The following DDX47 variants were observed in gnomAD, a reference collection of about 807,000 sequenced individuals.
DDX47 encodes the protein probable ATP-dependent RNA helicase DDX47.
A neutral mutation model predicts 58.8 loss-of-function variants in DDX47; 60 were observed. The ratio of observed to expected loss-of-function variants is 1.02; its 90% CI spans 0.83 to 1.26. The LOEUF (loss-of-function observed/expected upper bound fraction) is 1.26. Among genes scored for constraint, DDX47 ranks in the 50% most tolerant of loss-of-function variants. The pLI, the probability that DDX47 is intolerant of heterozygous loss-of-function variation, is 0.00. For missense variants in DDX47, 530 were observed against 573.2 expected (o/e 0.92, Z 0.77); for synonymous variants, 197 against 204.6 (o/e 0.96, Z 0.32).
At chr12:12,818,196 C>CAAA (rs1862924267) in intron 2 of DDX47, among the ~76,000 whole-genome samples, 2 of 152,128 alleles carry the variant, frequency 1.3e-5, no homozygotes, top group Admixed American at 1.3e-4. Context: ...CATTTTATCC[C>CAAA]TGGATTGTCA....
At chr12:12,823,809 C>G in intron 7 of DDX47, 61 bp from the exon 8 acceptor site, 2 of 1,530,644 alleles carry the variant, frequency 1.3e-6, no homozygotes, top group Middle Eastern at 1.7e-4. Flanking sequence ...ATGTATATGC[C>G]AGGTCTCCAA....
intron 2 of DDX47, among the ~76,000 whole-genome samples, chr12:12,818,351 C>G (rs1189637570): frequency 6.6e-6 from 1 of 152,104 alleles, no homozygotes; most frequent in Non-Finnish European, 1.5e-5. Context: ...GAAACCCCGT[C>G]TCTACTAAAA....
At chr12:12,813,616 G>A in intron 1 of DDX47, 162 bp downstream of exon 1, 1 of 690,366 alleles carries the variant, frequency 1.4e-6, no homozygotes, top group Non-Finnish European at 2.4e-6. Context: ...CGTGCTCTGA[G>A]TTTGGGTGGT....
chr12:12,813,477 T>C (rs1247756420), intron 1 of DDX47, 23 bp downstream of exon 1: 1 of 1,585,476 alleles, frequency 6.3e-7, no homozygotes, highest in African/African-American at 1.3e-5. Context: ...GACGCTGGCT[T>C]CTTTTATGTA....
chr12:12,821,790 G>A, intron 4 of DDX47, 64 bp downstream of exon 4: 2 of 1,375,494 alleles, frequency 1.5e-6, no homozygotes, highest in Non-Finnish European at 1.0e-6. Flanking sequence ...TACCAGTGTT[G>A]GATAGAAAGA....
At chr12:12,829,195 AGT>A (rs2136427775) in intron 11 of DDX47, among the ~76,000 whole-genome samples, 1 of 152,332 alleles carries the variant, frequency 6.6e-6, no homozygotes, top group South Asian at 2.1e-4. Context: ...CCTTCTCTTA[AGT>A]CTTTGCCAAT....
chr12:12,817,281 T>C (rs1862911066), intron 2 of DDX47, among the ~76,000 whole-genome samples: 1 of 152,172 alleles, frequency 6.6e-6, no homozygotes, highest in Non-Finnish European at 1.5e-5. Flanking sequence ...AGTGAGGAAA[T>C]TGAGACTCAG....
At chr12:12,814,033 A>G (rs7978823) in intron 1 of DDX47, 98 bp from the exon 2 acceptor site, 289,023 of 799,560 alleles carry the variant, frequency 0.36, 52,810 homozygotes, top group Middle Eastern at 0.41. Flanking sequence ...TTTAAATCAA[A>G]TACAATGGTT....
rs762790654 is a variant in DDX47, at chr12:12,826,056, T to G, written c.1092T>G (p.Ile364Met). The change falls in exon 10 of 12, where the codon ATT becomes ATG. Residue 364 changes from isoleucine to methionine, a missense_variant. Transcript: ENST00000358007. ...TARAGRSGKA[I>M]TFVTQYDVEL... The stretch of plus-strand genomic sequence containing the variant: ...GAGCTGGGCGCTCCGGAAAGGCTAT[T>G]ACTTTTGTCACACAGTAAGTAAATC... 2 of 1,613,832 alleles carry G rather than the reference T, an allele frequency of 1.2e-6. No individual in the cohort carries two copies. The highest frequency in any genetic ancestry group is 1.7e-6 in the Non-Finnish European group (2 of 1,179,848).
At chr12:12,820,392 C>A (rs1295260130) in intron 2 of DDX47, 2 of 152,228 alleles carry the variant, frequency 1.3e-5, no homozygotes, top group African/African-American at 4.8e-5. Flanking sequence ...TTAATTCTTT[C>A]TTATAGGAAA....
intron 2 of DDX47, among the ~76,000 whole-genome samples, chr12:12,815,535 T>C (rs550798489): frequency 6.6e-6 from 1 of 152,280 alleles, no homozygotes; most frequent in African/African-American, 2.4e-5. Flanking sequence ...TAGGATGGAT[T>C]AGAGAAGATT....
At chr12:12,828,795 C>G (rs1863091027) in intron 11 of DDX47, among the ~76,000 whole-genome samples, 1 of 152,198 alleles carries the variant, frequency 6.6e-6, no homozygotes, top group East Asian at 1.9e-4. Flanking sequence ...ATTTTTCTTT[C>G]TTTAGCCATA....
rs1862997987 is a variant in DDX47 at position 12,823,188 on chromosome 12, ATCT to A, written c.634-9_634-7del. The A allele has an allele frequency of 1.3e-6, 2 of 1,554,406 alleles. No homozygotes were observed. Among genetic ancestry groups the A allele is most frequent in the Non-Finnish European group, 1.8e-6 (2 of 1,125,616 alleles). On this transcript the variant is annotated splice_polypyrimidine_tract_variant and intron_variant, in intron 6 of 11. Coordinates refer to ENST00000358007, the MANE Select transcript of DDX47 (RefSeq NM_016355.4). ...TTTAGGCATCAGTGTGCTATTCTGG[ATCT>A]TCTTCCTTCAGGTTCAAAAACTTCA... is the stretch of plus-strand genomic sequence containing the variant.
Position 12,827,269 on chromosome 12 carries a change from G to T in DDX47, c.1130G>T (p.Arg377Leu). The T allele has an allele frequency of 6.2e-7, 1 of 1,614,052 alleles. No homozygotes were observed. ...VTQYDVELFQ[R>L]IEHLIGKKLP... ...AGGTATGATGTGGAACTCTTCCAGC[G>T]CATAGAACACTTAATTGGGAAGAAA... The change falls in exon 11 of 12, where the codon CGC (arginine) becomes CTC (leucine). Residue 377 changes from arginine (R) to leucine (L), a missense_variant. Physicochemically the swap from Arg to Leu is moderately radical, Grantham distance 102. Coordinates refer to ENST00000358007, the MANE Select transcript of DDX47 (RefSeq NM_016355.4).
At chr12:12,818,490 C>T (rs1231587350) in intron 2 of DDX47, among the ~76,000 whole-genome samples, 1 of 151,806 alleles carries the variant, frequency 6.6e-6, no homozygotes, top group Non-Finnish European at 1.5e-5. Context: ...CACTGCACCC[C>T]AGCCTGGGTG....
chr12:12,817,898 T>A (rs1862920973), intron 2 of DDX47, among the ~76,000 whole-genome samples: 1 of 152,206 alleles, frequency 6.6e-6, no homozygotes, highest in African/African-American at 2.4e-5. Context: ...ACTAAGCGAC[T>A]TCAGCTCCTT....
intron 8 of DDX47, 184 bp downstream of exon 8, chr12:12,824,200 C>T (rs2136424196): frequency 2.8e-6 from 2 of 725,278 alleles, no homozygotes. Flanking sequence ...GCGAGAGGCT[C>T]CCATTAGAAT....
At chr12:12,814,407 A>G (rs1862865452) in intron 2 of DDX47, 183 bp downstream of exon 2, 1 of 543,220 alleles carries the variant, frequency 1.8e-6, no homozygotes, top group South Asian at 2.0e-5. Flanking sequence ...CTGTCTTAAT[A>G]GCTGAAAGGG....
intron 11 of DDX47, among the ~76,000 whole-genome samples, chr12:12,828,682 T>A (rs1863089905): frequency 6.6e-6 from 1 of 152,204 alleles, no homozygotes; most frequent in South Asian, 2.1e-4. Flanking sequence ...GTAAAAGTAT[T>A]ACATGTGCAT....
Sources: gnomAD v4.1 joint callset for allele counts (sites outside exome capture counted in the v4.1 genomes callset) on GRCh38, gnomAD v4.1.1 for gene constraint, MANE v1.5 for transcripts, NCBI Gene and HGNC (gene_info 2026-07-23, HGNC 2026-07-21) for gene names.